RHOT1: variants seen among roughly 807,000 people sequenced by gnomAD.
RHOT1 encodes the protein ras homolog family member T1.
RHOT1 carries 27 observed loss-of-function variants against 95.3 expected under a neutral mutation model. The observed-to-expected ratio is 0.28, with a 90% CI of 0.21 to 0.39. RHOT1 has a LOEUF of 0.39. Ranked by LOEUF, RHOT1 falls within the 10% of genes least tolerant of loss-of-function variation. The pLI, the probability that RHOT1 is intolerant of heterozygous loss-of-function variation, is 1.00. For synonymous variants in RHOT1, 227 were observed against 263.5 expected (o/e 0.86, Z 1.34); for missense variants, 578 against 786.7 (o/e 0.73, Z 3.17).
At chr17:32,158,742 G>A (rs1346325236) in intron 1 of RHOT1, among the ~76,000 whole-genome samples, 1 of 152,174 alleles carries the variant, frequency 6.6e-6, no homozygotes, top group Non-Finnish European at 1.5e-5. Flanking sequence ...GCAGGCATGA[G>A]CCAGCGTGTC....
chr17:32,146,454 TA>T (rs1486753709), intron 1 of RHOT1, among the ~76,000 whole-genome samples: 5 of 151,836 alleles, frequency 3.3e-5, no homozygotes, highest in South Asian at 2.1e-4. Flanking sequence ...ATTTTTATTT[TA>T]TTTTTTTTGA....
intron 19 of RHOT1, among the ~76,000 whole-genome samples, chr17:32,214,010 G>A (rs984669397): frequency 4.6e-5 from 7 of 152,054 alleles, no homozygotes; most frequent in Non-Finnish European, 1.0e-4. Flanking sequence ...AGAATGGAAA[G>A]AATGAAAACG....
chr17:32,197,860 A>G (rs1017816295), intron 11 of RHOT1, among the ~76,000 whole-genome samples: 4 of 152,130 alleles, frequency 2.6e-5, no homozygotes, highest in Non-Finnish European at 4.4e-5. Flanking sequence ...GGCGTGAGCC[A>G]CCACGCCCAG....
intron 1 of RHOT1, among the ~76,000 whole-genome samples, chr17:32,160,627 ACT>A: frequency 6.6e-6 from 1 of 152,272 alleles, no homozygotes; most frequent in Non-Finnish European, 1.5e-5. Context: ...TCCGGGCACC[ACT>A]GTGTTCTCCA....
chr17:32,192,388 A>G, intron 9 of RHOT1, 89 bp downstream of exon 9: 1 of 750,178 alleles, frequency 1.3e-6, no homozygotes, highest in Non-Finnish European at 2.3e-6. Flanking sequence ...CTTAAACAAC[A>G]AGAACAGTAT....
intron 6 of RHOT1, among the ~76,000 whole-genome samples, chr17:32,177,054 T>A (rs1567680087): frequency 6.6e-6 from 1 of 152,148 alleles, no homozygotes; most frequent in Non-Finnish European, 1.5e-5. Context: ...GAAGGGAGAC[T>A]GAGATGACAT....
rs774847093 is a variant in RHOT1, at chr17:32,151,533, C to T, written c.37+8804C>T. 5.3e-4 allele frequency: 282 copies of T among 527,274 alleles called. 1 individual carries two copies. Among genetic ancestry groups the T allele is most frequent in the Non-Finnish European group, 6.1e-4 (174 of 286,054 alleles). The allele number at this position is 527,274 out of a possible 1,614,324, so 32.7% of individuals were successfully genotyped here. A position where few individuals can be genotyped will look rare whatever the true frequency, so the allele number is the denominator to read the frequency against. ...GTTTCTGAAATCTGTCATGAATCCC[C>T]TTAGACCATTTTCAGTCCTGCGCGG... On this transcript the variant is annotated intron_variant, in intron 1 of 19. Transcript: ENST00000545287.
At chr17:32,151,807 G>A (rs1172537958) in intron 1 of RHOT1, among the ~76,000 whole-genome samples, 1 of 151,436 alleles carries the variant, frequency 6.6e-6, no homozygotes, top group African/African-American at 2.4e-5. Flanking sequence ...GCTTGAACCC[G>A]GGAGGCGGAG....
In RHOT1 at chr17:32,183,817, C is replaced by A. The variant is rs301348; in HGVS notation, c.540+545C>A. Among the ~76,000 whole-genome samples the A allele has an allele frequency of 1.9e-3, 291 of 152,264 alleles. 7 individuals carry two copies. The highest frequency in any genetic ancestry group is 0.018 in the Admixed American group (278 of 15,306). ...CTCATGCCTCAGCCTGCCAAAGTGG[C>A]TGGGATCACAGGCATGCGCCACCAT... On this transcript the variant is annotated intron_variant, in intron 8 of 19. Coordinates refer to ENST00000545287, the MANE Select transcript of RHOT1 (RefSeq NM_001033566.3).
chr17:32,207,791 G>T (rs2142891147), intron 17 of RHOT1, among the ~76,000 whole-genome samples: 1 of 152,218 alleles, frequency 6.6e-6, no homozygotes, highest in Non-Finnish European at 1.5e-5. Flanking sequence ...TTTTATAAAA[G>T]AATTTAGGTG....
intron 1 of RHOT1, among the ~76,000 whole-genome samples, chr17:32,155,815 T>G (rs2032908793): frequency 6.6e-6 from 1 of 152,166 alleles, no homozygotes; most frequent in Non-Finnish European, 1.5e-5. Context: ...CTGCTGGGAT[T>G]ACAGACATGA....
intron 2 of RHOT1, among the ~76,000 whole-genome samples, chr17:32,172,474 A>G (rs2034656200): frequency 6.6e-6 from 1 of 152,204 alleles, no homozygotes. Flanking sequence ...AGGGATTGTA[A>G]GTAATCTAGA....
chr17:32,189,660 T>C (rs1018678470), intron 8 of RHOT1, among the ~76,000 whole-genome samples: 12 of 152,214 alleles, frequency 7.9e-5, no homozygotes, highest in Admixed American at 3.3e-4. Flanking sequence ...TACCTTGTTT[T>C]ACACAAGTGC....
chr17:32,158,701 G>A (rs548495612), intron 1 of RHOT1, among the ~76,000 whole-genome samples: 4 of 151,924 alleles, frequency 2.6e-5, no homozygotes, highest in Non-Finnish European at 4.4e-5. Flanking sequence ...CTCGTGATCC[G>A]CCCACCTCAG....
At chr17:32,161,205 G>A (rs2033518704) in intron 1 of RHOT1, among the ~76,000 whole-genome samples, 1 of 152,166 alleles carries the variant, frequency 6.6e-6, no homozygotes, top group Non-Finnish European at 1.5e-5. Context: ...GGTGGGTGGG[G>A]GCTAGAGAAT....
intron 1 of RHOT1, among the ~76,000 whole-genome samples, chr17:32,165,885 A>G (rs917456404): frequency 1.3e-5 from 2 of 152,090 alleles, no homozygotes; most frequent in Admixed American, 6.6e-5. Context: ...CCCAGTGCAT[A>G]TAAAAGTTAT....
intron 8 of RHOT1, among the ~76,000 whole-genome samples, chr17:32,183,787 T>C (rs1420868859): frequency 6.6e-6 from 1 of 152,172 alleles, no homozygotes; most frequent in East Asian, 1.9e-4. Context: ...GGGGTTCAAG[T>C]GATTCTCATG....
chr17:32,220,034 A>G (rs1255344705), intron 19 of RHOT1, among the ~76,000 whole-genome samples: 2 of 152,224 alleles, frequency 1.3e-5, no homozygotes, highest in South Asian at 2.1e-4. Flanking sequence ...TCCTAAATAT[A>G]GAGAAAAATT....
intron 19 of RHOT1, among the ~76,000 whole-genome samples, chr17:32,217,370 C>A (rs1040019249): frequency 6.6e-6 from 1 of 152,086 alleles, no homozygotes; most frequent in Non-Finnish European, 1.5e-5. Flanking sequence ...AATAAATATC[C>A]TATTAAAATA....
Sources: gnomAD v4.1 joint callset for allele counts (sites outside exome capture counted in the v4.1 genomes callset) on GRCh38, gnomAD v4.1.1 for gene constraint, MANE v1.5 for transcripts, NCBI Gene and HGNC (gene_info 2026-07-23, HGNC 2026-07-21) for gene names.